INO80: variants seen among roughly 807,000 people sequenced by gnomAD.
INO80 encodes INO80 complex ATPase subunit.
A neutral mutation model predicts 203.4 loss-of-function variants in INO80; 20 were observed. The ratio of observed to expected loss-of-function variants is 0.10; its 90% CI spans 0.07 to 0.14. INO80 has a LOEUF of 0.14. Ranked by LOEUF, INO80 falls within the 10% of genes least tolerant of loss-of-function variation. INO80 has a pLI of 1.00. For synonymous variants in INO80, 726 were observed against 685.2 expected (o/e 1.06, Z -0.93); for missense variants, 1,419 against 1,914.4 (o/e 0.74, Z 4.83).
intron 35 of INO80, among the ~76,000 whole-genome samples, chr15:40,981,657 G>A (rs189169594): frequency 1.2e-3 from 188 of 152,244 alleles, no homozygotes; most frequent in African/African-American, 4.5e-3. Flanking sequence ...TATTGAATGG[G>A]AAGAAAGGTC....
At chr15:41,047,308 C>G (rs964472344) in intron 23 of INO80, 100 bp downstream of exon 23, 7 of 789,022 alleles carry the variant, frequency 8.9e-6, no homozygotes, top group African/African-American at 5.3e-5. Flanking sequence ...GACAAGTTCT[C>G]TAAGATGATA....
rs2045357997 is a variant in INO80, at chr15:41,073,624, G to T, written c.1328-129C>A. The T allele has an allele frequency of 5.3e-6, 4 of 754,008 alleles. No homozygotes were observed. In the Admixed American group the frequency reaches 8.2e-5, roughly 15 times the overall value. The allele number at this position is 754,008 out of a possible 1,614,324, so 46.7% of individuals were successfully genotyped here. On this transcript the variant is annotated intron_variant, in intron 10 of 35. Coordinates refer to ENST00000648947, the MANE Select transcript of INO80 (RefSeq NM_017553.3). ...ATCCCTGGGTTCACGGAGGGTGGGG[G>T]AAGAGAAAGGCTAAATTCTCAGAGG...
At chr15:41,110,619 T>C (rs1193495709) in intron 1 of INO80, among the ~76,000 whole-genome samples, 2 of 152,086 alleles carry the variant, frequency 1.3e-5, no homozygotes, top group African/African-American at 2.4e-5. Flanking sequence ...TTTGTAGAGA[T>C]GGGGTTTTGG....
intron 26 of INO80, 67 bp downstream of exon 26, chr15:41,020,833 A>G: frequency 2.0e-6 from 2 of 983,004 alleles, no homozygotes; most frequent in Non-Finnish European, 3.1e-6. Flanking sequence ...AAAGGACCAC[A>G]TGAAGATAAC....
At chr15:41,033,769 A>C (rs1219800119) in intron 24 of INO80, among the ~76,000 whole-genome samples, 1 of 152,170 alleles carries the variant, frequency 6.6e-6, no homozygotes, top group Non-Finnish European at 1.5e-5. Flanking sequence ...CCCCAAACTT[A>C]GGCCAGGCGC....
In INO80 at chr15:41,074,358, C is replaced by A. The variant is rs574949035; in HGVS notation, c.1327+12G>T. 4.2e-4 allele frequency: 670 copies of A among 1,584,918 alleles called. 11 individuals are homozygous for A. In the South Asian group the frequency reaches 7.3e-3, roughly 17 times the overall value. ...GAGGTAGCCTTCCTCTAAGTCCTGA[C>A]TGAGGACTCACCATAATCCTCCTGT... On this transcript the variant is annotated intron_variant, in intron 10 of 35. Coordinates refer to ENST00000648947, the MANE Select transcript of INO80 (RefSeq NM_017553.3).
chr15:41,096,121 G>A (rs763819921), intron 2 of INO80, 47 bp downstream of exon 2: 84 of 1,537,898 alleles, frequency 5.5e-5, no homozygotes, highest in Non-Finnish European at 7.1e-5. Context: ...AAGGATGATG[G>A]AAATCAGGAA....
intron 27 of INO80, among the ~76,000 whole-genome samples, chr15:41,014,335 C>T (rs2044172702): frequency 6.6e-6 from 1 of 152,168 alleles, no homozygotes; most frequent in Non-Finnish European, 1.5e-5. Flanking sequence ...AAGATCACTA[C>T]TTTAGCTATA....
intron 26 of INO80, among the ~76,000 whole-genome samples, chr15:41,019,042 G>A (rs545174121): frequency 1.6e-4 from 24 of 152,344 alleles, no homozygotes; most frequent in Admixed American, 7.8e-4. Context: ...CACGGTGTAA[G>A]ATCCTGTTCA....
intron 10 of INO80, 135 bp from the exon 11 acceptor site, chr15:41,073,630 A>G: frequency 1.4e-6 from 1 of 735,390 alleles, no homozygotes; most frequent in South Asian, 1.6e-5. Flanking sequence ...GGGGGAAGAG[A>G]AAGGCTAAAT....
chr15:41,074,539 G>A lies in INO80; in HGVS notation c.1158C>T (p.Asn386=). The change falls in exon 10 of 36, where the codon AAC becomes AAT. Residue 386 remains asparagine (N), a synonymous_variant. Transcript: ENST00000648947. ...REAKRQQRKL[N]FLITQTELYA... ...ACAACTCTGTCTGGGTAATTAAGAA[G>A]TTGAGTTTTCGCTGTTGCCTCTTGG... 1 of 1,611,120 alleles carries A rather than the reference G, an allele frequency of 6.2e-7. No individual in the cohort carries two copies. Among genetic ancestry groups the A allele is most frequent in the South Asian group, 1.1e-5 (1 of 90,182 alleles).
At chr15:41,098,601 G>C (rs1596326470) in intron 1 of INO80, among the ~76,000 whole-genome samples, 1 of 152,142 alleles carries the variant, frequency 6.6e-6, no homozygotes. Flanking sequence ...TTACAGCCCA[G>C]GAGGTTGAGG....
At chr15:41,110,574 G>A in intron 1 of INO80, among the ~76,000 whole-genome samples, 1 of 152,106 alleles carries the variant, frequency 6.6e-6, no homozygotes, top group East Asian at 1.9e-4. Context: ...GAGTAGCTGG[G>A]ACTACAGGCA....
intron 15 of INO80, among the ~76,000 whole-genome samples, chr15:41,059,063 T>G (rs2045053539): frequency 6.6e-6 from 1 of 152,052 alleles, no homozygotes; most frequent in Non-Finnish European, 1.5e-5. Context: ...GTGATCCTCC[T>G]GCCTTAGTCT....
intron 11 of INO80, among the ~76,000 whole-genome samples, chr15:41,072,458 C>T (rs1361130361): frequency 3.3e-5 from 5 of 151,652 alleles, no homozygotes; most frequent in African/African-American, 4.8e-5. Flanking sequence ...CAGTGGCTCA[C>T]GCCTGTAATC....
chr15:41,069,020 T>C (rs1290641353), intron 14 of INO80, among the ~76,000 whole-genome samples: 2 of 152,252 alleles, frequency 1.3e-5, no homozygotes, highest in Non-Finnish European at 2.9e-5. Flanking sequence ...TTTTCTACCG[T>C]GGCAGTTTGA....
chr15:40,991,576 C>G (rs1188789395), intron 29 of INO80, among the ~76,000 whole-genome samples: 5 of 151,956 alleles, frequency 3.3e-5, no homozygotes, highest in African/African-American at 1.2e-4. Context: ...AAGATTAAGG[C>G]AAGTCAATCC....
chr15:41,012,391 A>G (rs1392329945), intron 27 of INO80, among the ~76,000 whole-genome samples: 1 of 151,516 alleles, frequency 6.6e-6, no homozygotes, highest in Non-Finnish European at 1.5e-5. Flanking sequence ...ACATGGTGAA[A>G]CCCCATCTCT....
intron 24 of INO80, among the ~76,000 whole-genome samples, chr15:41,035,176 T>C (rs1566921231): frequency 6.6e-6 from 1 of 152,162 alleles, no homozygotes; most frequent in Non-Finnish European, 1.5e-5. Context: ...CCATCTACAG[T>C]CTAAGCCAGA....
Sources: allele counts gnomAD v4.1 joint callset (sites outside exome capture counted in the v4.1 genomes callset), GRCh38; gene constraint gnomAD v4.1.1; transcripts MANE v1.5; gene names NCBI Gene and HGNC (gene_info 2026-07-23, HGNC 2026-07-21).